SCG3: variants seen among roughly 807,000 people sequenced by gnomAD.
SCG3 encodes the protein secretogranin-3.
SCG3 carries 38 observed loss-of-function variants against 56.2 expected under a neutral mutation model. That is an observed-to-expected ratio of 0.68 (90% CI 0.52 to 0.89). The LOEUF (loss-of-function observed/expected upper bound fraction) is 0.89, where lower values mean the gene tolerates loss of function less well. Among genes scored for constraint, SCG3 ranks in the 40% least tolerant of loss-of-function variants. The pLI is 0.00. For synonymous variants in SCG3, 176 were observed against 184.2 expected, an observed-to-expected ratio of 0.96 and a Z score of 0.36; for missense variants, 524 against 540.7, an observed-to-expected ratio of 0.97 and a Z score of 0.31.
At position 51,688,378 on chromosome 15, in the gene SCG3, T is replaced by G. The variant is rs77781788; in HGVS notation, c.516T>G (p.Val172=). Residue 172 remains valine (V), a synonymous_variant, in exon 5 of 12, where the codon GTT becomes GTG. Transcript: ENST00000220478. ...ACAGAGCCGTGTTTGACAAGATTGTTTCTAAACTACTTAATCTCGGCCTTG... is the reference window on the plus strand; with the variant it reads ...ACAGAGCCGTGTTTGACAAGATTGTGTCTAAACTACTTAATCTCGGCCTTG... The part of the protein sequence containing the change: ...ENDRAVFDKI[V]SKLLNLGLIT... 2.0e-3 allele frequency: 3,215 copies of G among 1,613,698 alleles called. 52 individuals are homozygous for G. In the African/African-American group the frequency reaches 0.038, roughly 19 times the overall value.
intron 4 of SCG3, among the ~76,000 whole-genome samples, chr15:51,684,263 A>G (rs139709567): frequency 3.3e-5 from 5 of 152,314 alleles, no homozygotes; most frequent in African/African-American, 9.6e-5. Flanking sequence ...ATTATGTCTC[A>G]TGTAAACTAT....
chr15:51,699,400 C>T lies in SCG3; in HGVS notation c.1067C>T (p.Pro356Leu), dbSNP rs1214872210. The change falls in exon 9 of 12, where the codon CCA becomes CTA. Residue 356 changes from proline (P) to leucine (L), a missense_variant and splice_region_variant. Coordinates refer to ENST00000220478, the MANE Select transcript of SCG3 (RefSeq NM_013243.4). ...ACTGACAATATAAGCAAGCTTTTCCCAGGTATGATTATTTAACTATTTTTT... is the reference window on the plus strand; with the variant it reads ...ACTGACAATATAAGCAAGCTTTTCCTAGGTATGATTATTTAACTATTTTTT... ...NATDNISKLF[P>L]APSEKSHEET... is the part of the protein sequence containing the mutation. The T allele has an allele frequency of 6.3e-7, 1 of 1,590,184 alleles. No homozygotes were observed. The highest frequency in any genetic ancestry group is 1.7e-5 in the Admixed American group (1 of 57,528).
At position 51,701,228 on chromosome 15, in the gene SCG3, G is replaced by T; in HGVS notation, c.1191G>T (p.Lys397Asn). ...ATGATAACTCCAACCCAGGAGGAAA[G>T]ACAGATGAACCCAAAGGTATGGGAT... ...TKDDNSNPGG[K>N]TDEPKGKTEA... Residue 397 changes from lysine to asparagine, a missense_variant, in exon 10 of 12, where the codon AAG (lysine) becomes AAT (asparagine). Transcript: ENST00000220478. The T allele has an allele frequency of 6.2e-7, 1 of 1,602,010 alleles. No individual in the cohort carries two copies. The highest frequency in any genetic ancestry group is 8.5e-7 in the Non-Finnish European group (1 of 1,175,714).
chr15:51,682,542 A>G lies in SCG3; in HGVS notation c.108A>G (p.Leu36=). The part of the protein sequence containing the change: ...SQDKSLHNRE[L]SAERPLNEQI... ...ACAAATCTCTACATAATAGAGAATT[A>G]AGTGCAGAAAGACCTTTGAATGAAC... is the stretch of plus-strand genomic sequence containing the variant. The change falls in exon 2 of 12, where the codon TTA becomes TTG. Residue 36 remains leucine (L), a synonymous_variant. Coordinates refer to ENST00000220478, the MANE Select transcript of SCG3 (RefSeq NM_013243.4). 1 of 1,449,208 alleles carries G rather than the reference A, an allele frequency of 6.9e-7. No homozygotes were observed. The highest frequency in any genetic ancestry group is 9.2e-7 in the Non-Finnish European group (1 of 1,081,840). 89.8% of individuals were successfully genotyped at this position (1,449,208 alleles called of 1,614,324 possible).
In SCG3 at chr15:51,703,223, C is replaced by G. The variant is rs1456886456; in HGVS notation, c.1207+1979C>G. ...TCTTAATTTTGAAGAAATTGGCCCA[C>G]TTAAAGGTTCCCCACCCAGTATCTC... On this transcript the variant is annotated intron_variant, in intron 10 of 11. Coordinates refer to ENST00000220478, the MANE Select transcript of SCG3 (RefSeq NM_013243.4). 1.3e-5 allele frequency among the ~76,000 whole-genome samples: 2 copies of G among 152,168 alleles called. 1 individual carries two copies. The highest frequency in any genetic ancestry group is 2.9e-5 in the Non-Finnish European group (2 of 68,026).
chr15:51,685,656 A>C (rs1326992170), intron 4 of SCG3, among the ~76,000 whole-genome samples: 2 of 152,224 alleles, frequency 1.3e-5, no homozygotes, highest in Non-Finnish European at 2.9e-5. Context: ...CCTCAGATGC[A>C]TGTAGACTTC....
At chr15:51,694,560 T>A (rs190626020) in intron 7 of SCG3, among the ~76,000 whole-genome samples, 139 of 152,236 alleles carry the variant, frequency 9.1e-4, no homozygotes, top group African/African-American at 3.2e-3. Flanking sequence ...AATCTTTCAG[T>A]GGCAGCTCAA....
chr15:51,687,360 T>C (rs917730724), intron 4 of SCG3, among the ~76,000 whole-genome samples: 1 of 152,178 alleles, frequency 6.6e-6, no homozygotes, highest in African/African-American at 2.4e-5. Context: ...ATTAAGTGCA[T>C]TGTAAATTTG....
chr15:51,693,831 C>A (rs1050322001), intron 7 of SCG3: 1 of 152,198 alleles, frequency 6.6e-6, no homozygotes, highest in East Asian at 1.9e-4. Context: ...AGCCATCTTG[C>A]CCCATTGGTT....
In SCG3 at chr15:51,719,747, C is replaced by T; in HGVS notation, c.*221C>T. 1.9e-6 allele frequency: 1 copy of T among 526,756 alleles called. No homozygotes were observed. 32.6% of individuals were successfully genotyped at this position (526,756 alleles called of 1,614,324 possible). ...TAAGCTGAGATTTTGTATACAGAAT[C>T]CTTATTTCCTCATAGACTTATATTT... On this transcript the variant is annotated 3_prime_UTR_variant, in exon 12 of 12. Transcript: ENST00000220478.
chr15:51,701,224 G>A lies in SCG3; in HGVS notation c.1187G>A (p.Gly396Glu), dbSNP rs774027135. 2 of 1,603,218 alleles carry A rather than the reference G, an allele frequency of 1.2e-6. No homozygotes were observed. The highest frequency in any genetic ancestry group is 1.7e-6 in the Non-Finnish European group (2 of 1,176,226). ...STKDDNSNPG[G>E]KTDEPKGKTE... is the part of the protein sequence containing the mutation. ...AAAGATGATAACTCCAACCCAGGAG[G>A]AAAGACAGATGAACCCAAAGGTATG... Residue 396 changes from glycine (G) to glutamate (E), a missense_variant, in exon 10 of 12, where the codon GGA (glycine) becomes GAA (glutamate). Transcript: ENST00000220478.
intron 7 of SCG3, among the ~76,000 whole-genome samples, chr15:51,694,896 T>G (rs1328594946): frequency 6.6e-6 from 1 of 152,052 alleles, no homozygotes; most frequent in African/African-American, 2.4e-5. Context: ...CCAGGCATGG[T>G]GGCGCACGCC....
At chr15:51,696,277 C>T (rs139736462) in intron 8 of SCG3, among the ~76,000 whole-genome samples, 145 of 152,224 alleles carry the variant, frequency 9.5e-4, no homozygotes, top group African/African-American at 3.4e-3. Flanking sequence ...AGGCCAGGTG[C>T]GGTGGCTCAC....
At chr15:51,683,831 T>G (rs1208299760) in intron 4 of SCG3, among the ~76,000 whole-genome samples, 2 of 152,200 alleles carry the variant, frequency 1.3e-5, no homozygotes, top group Admixed American at 6.5e-5. Context: ...TTTTCAGTGT[T>G]TCCTCCTAGC....
In SCG3 at chr15:51,682,082, C is replaced by T. The variant is rs370730192; in HGVS notation, c.82+245C>T. ...ATCTTATTTTGAAAAGGGAAGGGAACCTTTTTCACCTAAAGTGGCTTGGAT... is the reference window on the plus strand; with the variant it reads ...ATCTTATTTTGAAAAGGGAAGGGAATCTTTTTCACCTAAAGTGGCTTGGAT... On this transcript the variant is annotated intron_variant, in intron 1 of 11. Transcript: ENST00000220478. Among the ~76,000 whole-genome samples, 4 of 151,970 alleles carry T rather than the reference C, an allele frequency of 2.6e-5. No homozygotes were observed. In the East Asian group the frequency reaches 7.7e-4, roughly 29 times the overall value.
chr15:51,691,258 C>T (rs948563036), intron 6 of SCG3, among the ~76,000 whole-genome samples: 2 of 152,172 alleles, frequency 1.3e-5, no homozygotes, highest in African/African-American at 4.8e-5. Context: ...CCAGGCCAGA[C>T]CATGCAGCGC....
chr15:51,688,455 C>A (rs2055243999), intron 5 of SCG3, 53 bp downstream of exon 5: 3 of 1,535,816 alleles, frequency 2.0e-6, no homozygotes, highest in African/African-American at 2.7e-5. Context: ...TTAGAGTATG[C>A]CAAGAAGCCA....
chr15:51,690,258 G>T (rs981389207), intron 6 of SCG3, among the ~76,000 whole-genome samples: 1 of 152,030 alleles, frequency 6.6e-6, no homozygotes, highest in African/African-American at 2.4e-5. Flanking sequence ...CCTTCCCTTT[G>T]TTGGACTCCT....
Position 51,682,539 on chromosome 15 carries a change from A to C in SCG3, c.105A>C (p.Glu35Asp). Reference protein sequence around the residue: ...GSQDKSLHNRELSAERPLNEQ... With the variant: ...GSQDKSLHNRDLSAERPLNEQ... ...TAGACAAATCTCTACATAATAGAGA[A>C]TTAAGTGCAGAAAGACCTTTGAATG... Residue 35 changes from glutamate to aspartate, a missense_variant, in exon 2 of 12, where the codon GAA (glutamate) becomes GAC (aspartate). By Grantham distance (45) the Glu-to-Asp change is conservative. Coordinates refer to ENST00000220478, the MANE Select transcript of SCG3 (RefSeq NM_013243.4). 6.9e-7 allele frequency: 1 copy of C among 1,452,560 alleles called. No homozygotes were observed. The highest frequency in any genetic ancestry group is 9.2e-7 in the Non-Finnish European group (1 of 1,084,174). The allele number at this position is 1,452,560 out of a possible 1,614,324, so 90.0% of individuals were successfully genotyped here. A position where few individuals can be genotyped will look rare whatever the true frequency, so the allele number is the denominator to read the frequency against.
Sources: allele counts gnomAD v4.1 joint callset (sites outside exome capture counted in the v4.1 genomes callset), GRCh38; gene constraint gnomAD v4.1.1; transcripts MANE v1.5; gene names NCBI Gene and HGNC (gene_info 2026-07-23, HGNC 2026-07-21).